Variants in ZMAT4 observed in about 807,000 individuals in gnomAD.
ZMAT4 encodes the protein zinc finger matrin-type 4.
A neutral mutation model predicts 28.7 loss-of-function variants in ZMAT4; 17 were observed. The ratio of observed to expected loss-of-function variants is 0.59; its 90% CI spans 0.41 to 0.89. The LOEUF (loss-of-function observed/expected upper bound fraction) is 0.89, where lower values mean the gene tolerates loss of function less well. ZMAT4 is among the 40% of genes least tolerant of loss of function. ZMAT4 has a pLI of 0.00. For synonymous variants in ZMAT4, 117 were observed against 109.2 expected (o/e 1.07, Z -0.44); for missense variants, 240 against 283.8 (o/e 0.85, Z 1.11).
chr8:40,580,348 A>G (rs1804421229), intron 6 of ZMAT4, among the ~76,000 whole-genome samples: 1 of 152,090 alleles, frequency 6.6e-6, no homozygotes, highest in African/African-American at 2.4e-5. Flanking sequence ...AGCTTGGAGT[A>G]TGAGACATAG....
intron 5 of ZMAT4, among the ~76,000 whole-genome samples, chr8:40,595,918 T>C (rs1326843079): frequency 6.6e-6 from 1 of 152,014 alleles, no homozygotes; most frequent in African/African-American, 2.4e-5. Flanking sequence ...ACCCCATCTC[T>C]ACTAAAAATA....
At position 40,756,100 on chromosome 8, in the gene ZMAT4, C is replaced by A. The variant is rs151286401; in HGVS notation, c.192+11541G>T. Among the ~76,000 whole-genome samples the A allele has an allele frequency of 2.6e-5, 4 of 152,214 alleles. No individual in the cohort carries two copies. The East Asian group carries it at 7.8e-4, about 30-fold the overall frequency. ...GGACCTTAAACATTATTGCTTCACT[C>A]TCCTCCCACCAGGGGTACTTTGAGT... On this transcript the variant is annotated intron_variant, in intron 3 of 6. Coordinates refer to ENST00000297737, the MANE Select transcript of ZMAT4 (RefSeq NM_024645.3).
At position 40,820,829 on chromosome 8, in the gene ZMAT4, TTATGTGTG is replaced by T. The variant is rs370227766; in HGVS notation, c.102+4738_102+4745del. The stretch of plus-strand genomic sequence containing the variant: ...TGTGTGGGTGTGTGTATGTGTATGT[TTATGTGTG>T]TATGTGTGTATGTTTATGTGTGTTT... On this transcript the variant is annotated intron_variant, in intron 2 of 6. Transcript: ENST00000297737. Among the ~76,000 whole-genome samples the T allele has an allele frequency of 5.9e-3, 128 of 21,534 alleles. 4 individuals carry two copies. The highest frequency in any genetic ancestry group is 0.019 in the African/African-American group (116 of 6,066). The allele number at this position is 21,534 out of a possible 152,430, so 14.1% of individuals were successfully genotyped here. A position where few individuals can be genotyped will look rare whatever the true frequency, so the allele number is the denominator to read the frequency against.
chr8:40,701,250 G>A (rs149343090), intron 3 of ZMAT4, among the ~76,000 whole-genome samples: 225 of 152,202 alleles, frequency 1.5e-3, no homozygotes, highest in African/African-American at 4.9e-3. Context: ...AATAATAGAA[G>A]AGGAAAACCA....
chr8:40,845,776 TAAAAAAAAAA>T (rs71224858), intron 1 of ZMAT4, among the ~76,000 whole-genome samples: 3 of 129,634 alleles, frequency 2.3e-5, no homozygotes, highest in Admixed American at 1.5e-4. Flanking sequence ...ACTTAGTAGT[TAAAAAAAAAA>T]AAAAAAAAAA....
chr8:40,712,119 T>A (rs1421647094), intron 3 of ZMAT4, among the ~76,000 whole-genome samples: 1 of 152,196 alleles, frequency 6.6e-6, no homozygotes, highest in Non-Finnish European at 1.5e-5. Flanking sequence ...GATGCCAGAA[T>A]CTAAAGTGAA....
chr8:40,762,503 T>A (rs1284024627), intron 3 of ZMAT4, among the ~76,000 whole-genome samples: 3 of 151,724 alleles, frequency 2.0e-5, no homozygotes, highest in Admixed American at 6.6e-5. Flanking sequence ...TTTTTTTTTT[T>A]AAATTAGCCA....
At chr8:40,543,209 T>G (rs562852010) in intron 6 of ZMAT4, among the ~76,000 whole-genome samples, 1 of 152,272 alleles carries the variant, frequency 6.6e-6, no homozygotes, top group South Asian at 2.1e-4. Context: ...CAGCACATTC[T>G]GCAGACAGGG....
At chr8:40,556,088 T>C (rs544327449) in intron 6 of ZMAT4, among the ~76,000 whole-genome samples, 1 of 152,254 alleles carries the variant, frequency 6.6e-6, no homozygotes, top group Admixed American at 6.5e-5. Flanking sequence ...TCCTTTTTCA[T>C]CTCCTTCCTC....
At chr8:40,564,498 T>A (rs773153074) in intron 6 of ZMAT4, among the ~76,000 whole-genome samples, 2 of 152,210 alleles carry the variant, frequency 1.3e-5, no homozygotes, top group African/African-American at 2.4e-5. Flanking sequence ...CATCTCACTG[T>A]GCAATTATCC....
chr8:40,549,167 C>G (rs1022477899), intron 6 of ZMAT4, among the ~76,000 whole-genome samples: 1 of 152,080 alleles, frequency 6.6e-6, no homozygotes, highest in Non-Finnish European at 1.5e-5. Context: ...GGAATGGGCC[C>G]TCACCAGACA....
At chr8:40,695,878 C>T (rs1809865184) in intron 4 of ZMAT4, among the ~76,000 whole-genome samples, 1 of 141,630 alleles carries the variant, frequency 7.1e-6, no homozygotes, top group Non-Finnish European at 1.5e-5. Context: ...CCATCATTAC[C>T]TCCAAAATTT....
chr8:40,714,380 A>G (rs932723106), intron 3 of ZMAT4, among the ~76,000 whole-genome samples: 4 of 152,234 alleles, frequency 2.6e-5, no homozygotes, highest in African/African-American at 9.6e-5. Flanking sequence ...TTGTGTATTC[A>G]TTATTAAATT....
At chr8:40,551,036 T>TG (rs1803354844) in intron 6 of ZMAT4, among the ~76,000 whole-genome samples, 1 of 152,140 alleles carries the variant, frequency 6.6e-6, no homozygotes, top group Non-Finnish European at 1.5e-5. Context: ...ATTGTATCTA[T>TG]TATGCTTCAT....
intron 3 of ZMAT4, among the ~76,000 whole-genome samples, chr8:40,762,361 C>A (rs1449672908): frequency 6.6e-6 from 1 of 152,126 alleles, no homozygotes; most frequent in Non-Finnish European, 1.5e-5. Flanking sequence ...CAGAGATACA[C>A]ACAGAGAAGA....
intron 6 of ZMAT4, among the ~76,000 whole-genome samples, chr8:40,547,198 C>A (rs1803230817): frequency 6.6e-6 from 1 of 152,180 alleles, no homozygotes; most frequent in South Asian, 2.1e-4. Context: ...GTGCGGGCAA[C>A]CCAGCCTGGG....
intron 5 of ZMAT4, among the ~76,000 whole-genome samples, chr8:40,673,581 TA>T (rs1313346271): frequency 6.6e-6 from 1 of 152,200 alleles, no homozygotes; most frequent in African/African-American, 2.4e-5. Flanking sequence ...CTTGCAGAAT[TA>T]TTTTTATTTT....
At chr8:40,802,192 C>A (rs1292179126) in intron 2 of ZMAT4, among the ~76,000 whole-genome samples, 1 of 152,218 alleles carries the variant, frequency 6.6e-6, no homozygotes, top group African/African-American at 2.4e-5. Context: ...CCTCTCACCA[C>A]TGCTTTTCAG....
At position 40,716,308 on chromosome 8, in the gene ZMAT4, C is replaced by T. The variant is rs536562202; in HGVS notation, c.193-18907G>A. 2.0e-5 allele frequency among the ~76,000 whole-genome samples: 3 copies of T among 152,306 alleles called. No homozygotes were observed. The East Asian group carries it at 5.8e-4, about 29-fold the overall frequency. Reference sequence around the variant, plus strand: ...TCAGAAATATGGGGAGGGGATCAAGCCCTCGGAGAGAGTCAGCCCCATGCT... The same window carrying T: ...TCAGAAATATGGGGAGGGGATCAAGTCCTCGGAGAGAGTCAGCCCCATGCT... On this transcript the variant is annotated intron_variant, in intron 3 of 6. Transcript: ENST00000297737.
Sources: gnomAD v4.1 joint callset for allele counts (sites outside exome capture counted in the v4.1 genomes callset) on GRCh38, gnomAD v4.1.1 for gene constraint, MANE v1.5 for transcripts, NCBI Gene and HGNC (gene_info 2026-07-23, HGNC 2026-07-21) for gene names.